The following NRXN1 variants were observed in gnomAD, a reference collection of about 807,000 sequenced individuals.
The protein encoded by NRXN1 is neurexin-1.
In NRXN1, 39 loss-of-function variants were observed where a neutral mutation model predicts 150.9. The observed-to-expected ratio is 0.26, with a 90% CI of 0.20 to 0.34. The LOEUF (loss-of-function observed/expected upper bound fraction) is 0.34. NRXN1 is among the 10% of genes least tolerant of loss of function. NRXN1 has a pLI of 1.00. For missense variants in NRXN1, 1,815 were observed against 1,949.9 expected, an observed-to-expected ratio of 0.93 and a Z score of 1.30; for synonymous variants, 924 against 757.0, an observed-to-expected ratio of 1.22 and a Z score of -3.62.
chr2:50,488,207 C>A (rs1321985759), intron 15 of NRXN1, among the ~76,000 whole-genome samples: 1 of 152,158 alleles, frequency 6.6e-6, no homozygotes, highest in African/African-American at 2.4e-5. Context: ...AGTAGCCTAT[C>A]CCCATATTTC....
intron 17 of NRXN1, among the ~76,000 whole-genome samples, chr2:50,282,335 A>G (rs184547842): frequency 3.3e-5 from 5 of 152,292 alleles, no homozygotes; most frequent in Admixed American, 2.6e-4. Flanking sequence ...GAGTATTTTT[A>G]AGACATTAAT....
intron 5 of NRXN1, among the ~76,000 whole-genome samples, chr2:50,839,092 A>T (rs1672503542): frequency 6.6e-6 from 1 of 152,172 alleles, no homozygotes; most frequent in Admixed American, 6.5e-5. Flanking sequence ...GCTAAATTTT[A>T]AAAAAGTTCA....
chr2:50,479,949 T>C (rs1309006119), intron 15 of NRXN1, among the ~76,000 whole-genome samples: 1 of 151,978 alleles, frequency 6.6e-6, no homozygotes, highest in Non-Finnish European at 1.5e-5. Flanking sequence ...AACTTCTGTA[T>C]TTTTAGTAGA....
At chr2:50,083,036 T>G (rs1018497376) in intron 19 of NRXN1, among the ~76,000 whole-genome samples, 1 of 152,230 alleles carries the variant, frequency 6.6e-6, no homozygotes, top group Non-Finnish European at 1.5e-5. Flanking sequence ...TGGGTTTCAC[T>G]GAGCTTTCAG....
intron 22 of NRXN1, chr2:49,926,423 T>C: frequency 5.0e-6 from 2 of 398,372 alleles, no homozygotes; most frequent in Non-Finnish European, 8.9e-6. Flanking sequence ...ATGAATCTTC[T>C]TGTTTTTTGT....
chr2:50,689,869 TG>T (rs1691816985), intron 5 of NRXN1, among the ~76,000 whole-genome samples: 7 of 147,404 alleles, frequency 4.7e-5, no homozygotes, highest in African/African-American at 1.8e-4. Flanking sequence ...TGTGTGTGTG[TG>T]TGTGTGTGTG....
intron 1 of NRXN1, among the ~76,000 whole-genome samples, chr2:51,031,337 C>T (rs932728683): frequency 6.6e-6 from 1 of 152,118 alleles, no homozygotes; most frequent in Non-Finnish European, 1.5e-5. Flanking sequence ...CATCCCAAGT[C>T]ACTAGGAGGA....
At chr2:49,992,148 C>G (rs1262111289) in intron 21 of NRXN1, among the ~76,000 whole-genome samples, 1 of 152,020 alleles carries the variant, frequency 6.6e-6, no homozygotes. Flanking sequence ...GGAGAAAAAC[C>G]TAGATGACCT....
chr2:50,762,331 A>C (rs1038621981), intron 5 of NRXN1, among the ~76,000 whole-genome samples: 3 of 150,740 alleles, frequency 2.0e-5, no homozygotes, highest in African/African-American at 7.3e-5. Flanking sequence ...ACTTTTTTAA[A>C]TTTTTTTTTC....
At position 50,516,653 on chromosome 2, in the gene NRXN1, T is replaced by TCCTTTC. The variant is rs982081057; in HGVS notation, c.2375-10042_2375-10037dup. 7.9e-5 allele frequency among the ~76,000 whole-genome samples: 12 copies of TCCTTTC among 152,194 alleles called. No homozygotes were observed. In the East Asian group the frequency reaches 1.9e-3, roughly 25 times the overall value. ...AAAACTACCTGCTGACCCATGTAAC[T>TCCTTTC]CCTTTCTCTTTTCCTTCTCTATTCC... On this transcript the variant is annotated intron_variant, in intron 12 of 22. Transcript: ENST00000401669.
intron 18 of NRXN1, among the ~76,000 whole-genome samples, chr2:50,215,904 AT>A (rs1249935619): frequency 6.6e-6 from 1 of 152,066 alleles, no homozygotes; most frequent in Non-Finnish European, 1.5e-5. Context: ...CAAGTACATA[AT>A]TGGCATTTTT....
At chr2:50,173,679 T>C (rs560169881) in intron 18 of NRXN1, among the ~76,000 whole-genome samples, 11 of 152,246 alleles carry the variant, frequency 7.2e-5, no homozygotes, top group Non-Finnish European at 1.3e-4. Context: ...TTTCCTGCTG[T>C]GTATTTTATA....
At chr2:50,900,195 AG>A (rs991590304) in intron 5 of NRXN1, among the ~76,000 whole-genome samples, 2 of 152,204 alleles carry the variant, frequency 1.3e-5, no homozygotes, top group Non-Finnish European at 2.9e-5. Context: ...CCTTTGTGAC[AG>A]GGATCAGCCT....
Position 50,300,017 on chromosome 2 carries a change from C to A in NRXN1, c.3365-63047G>T, listed in dbSNP as rs546996267. ...GGCATTTGGGAATTTTATTTATCAT[C>A]TAATCCTGAATATGAAATAGAAGGT... On this transcript the variant is annotated intron_variant, in intron 17 of 22. Transcript: ENST00000401669. Among the ~76,000 whole-genome samples the A allele has an allele frequency of 5.3e-5, 8 of 152,184 alleles. No homozygotes were observed. In the East Asian group the frequency reaches 1.5e-3, roughly 29 times the overall value.
At chr2:50,504,409 C>T (rs2092117417) in intron 13 of NRXN1, among the ~76,000 whole-genome samples, 2 of 151,924 alleles carry the variant, frequency 1.3e-5, no homozygotes, top group African/African-American at 4.8e-5. Context: ...CCTCAACTGG[C>T]TAAGAGAAAA....
chr2:50,622,572 T>C (rs1375547471), intron 6 of NRXN1, among the ~76,000 whole-genome samples: 1 of 152,186 alleles, frequency 6.6e-6, no homozygotes, highest in South Asian at 2.1e-4. Context: ...TTCGTATATA[T>C]ACTGTAATCA....
chr2:50,807,290 T>C (rs1296268213), intron 5 of NRXN1, among the ~76,000 whole-genome samples: 1 of 152,132 alleles, frequency 6.6e-6, no homozygotes, highest in East Asian at 1.9e-4. Context: ...TAATGACAGA[T>C]TCCAGCTTTG....
intron 21 of NRXN1, among the ~76,000 whole-genome samples, chr2:50,024,998 A>C (rs965891740): frequency 6.6e-6 from 1 of 152,082 alleles, no homozygotes; most frequent in Non-Finnish European, 1.5e-5. Flanking sequence ...TAGTTTTCAG[A>C]TGGTGTGATT....
intron 22 of NRXN1, among the ~76,000 whole-genome samples, chr2:49,938,528 C>G (rs1361441455): frequency 6.6e-6 from 1 of 152,104 alleles, no homozygotes; most frequent in Non-Finnish European, 1.5e-5. Context: ...TTTTCTTCCC[C>G]CAATGACTAA....
Sources: gnomAD v4.1 joint callset for allele counts (sites outside exome capture counted in the v4.1 genomes callset) on GRCh38, gnomAD v4.1.1 for gene constraint, MANE v1.5 for transcripts, NCBI Gene and HGNC (gene_info 2026-07-23, HGNC 2026-07-21) for gene names.